The following RAD51B variants were observed in gnomAD, a reference collection of about 807,000 sequenced individuals.
RAD51B encodes RAD51 paralog B, also known as DNA repair protein RAD51 homolog 2.
RAD51B carries 38 observed loss-of-function variants against 42.2 expected under a neutral mutation model. The observed-to-expected ratio is 0.90, with a 90% CI of 0.70 to 1.18. The LOEUF is 1.18. RAD51B is among the 50% of genes most tolerant of loss of function. The pLI, the probability that RAD51B is intolerant of heterozygous loss-of-function variation, is 0.00. For missense variants in RAD51B, 373 were observed against 400.7 expected, an observed-to-expected ratio of 0.93 and a Z score of 0.59; for synonymous variants, 154 against 145.2, an observed-to-expected ratio of 1.06 and a Z score of -0.43.
chr14:68,189,833 T>G (rs1411273332), intron 7 of RAD51B, among the ~76,000 whole-genome samples: 1 of 152,052 alleles, frequency 6.6e-6, no homozygotes, highest in Non-Finnish European at 1.5e-5. Context: ...GCCCGACTAA[T>G]TTTTGTATTT....
At chr14:67,853,089 G>T (rs1372417058) in intron 4 of RAD51B, among the ~76,000 whole-genome samples, 1 of 152,174 alleles carries the variant, frequency 6.6e-6, no homozygotes, top group Non-Finnish European at 1.5e-5. Flanking sequence ...AAGGTGGAGG[G>T]GCCATGATTA....
At chr14:68,152,068 T>C (rs573529362) in intron 7 of RAD51B, among the ~76,000 whole-genome samples, 1 of 152,138 alleles carries the variant, frequency 6.6e-6, no homozygotes, top group South Asian at 2.1e-4. Context: ...GGTTTCGAAC[T>C]CCAGACCTCA....
intron 7 of RAD51B, among the ~76,000 whole-genome samples, chr14:68,265,675 C>A (rs1453632492): frequency 2.0e-5 from 3 of 152,146 alleles, no homozygotes; most frequent in Non-Finnish European, 4.4e-5. Flanking sequence ...TCACTTGAAC[C>A]CAGGAGGCGG....
downstream of RAD51B, among the ~76,000 whole-genome samples, chr14:68,616,332 A>T (rs908743471): frequency 6.6e-6 from 1 of 152,114 alleles, no homozygotes; most frequent in Non-Finnish European, 1.5e-5. Context: ...GCTTTCATTT[A>T]TCTCAAAAAG....
chr14:68,001,074 A>G (rs536168500), intron 7 of RAD51B, among the ~76,000 whole-genome samples: 1 of 152,258 alleles, frequency 6.6e-6, no homozygotes, highest in South Asian at 2.1e-4. Context: ...GGTTAGATTT[A>G]TTCATGGGTT....
chr14:68,445,544 T>G (rs2085402546), intron 9 of RAD51B, among the ~76,000 whole-genome samples: 1 of 152,176 alleles, frequency 6.6e-6, no homozygotes, highest in Non-Finnish European at 1.5e-5. Context: ...CCAAAGAGAT[T>G]AATTGTTAGT....
At chr14:68,076,272 AGGAGC>A (rs10580929) in intron 7 of RAD51B, among the ~76,000 whole-genome samples, 9,202 of 152,256 alleles carry the variant, frequency 0.06, 656 homozygotes, top group African/African-American at 0.17. Flanking sequence ...TCACAGATGG[AGGAGC>A]TATAAGTAGA....
At chr14:68,240,299 C>T (rs1194786827) in intron 7 of RAD51B, among the ~76,000 whole-genome samples, 2 of 152,200 alleles carry the variant, frequency 1.3e-5, no homozygotes, top group African/African-American at 4.8e-5. Flanking sequence ...TTAACAACCT[C>T]AACTCCACTT....
At chr14:68,514,867 T>C (rs1886021141) in intron 10 of RAD51B, among the ~76,000 whole-genome samples, 1 of 152,182 alleles carries the variant, frequency 6.6e-6, no homozygotes. Context: ...TTCTTTCATT[T>C]CCGATAAGAA....
intron 7 of RAD51B, among the ~76,000 whole-genome samples, chr14:68,135,095 G>C (rs2077980757): frequency 6.6e-6 from 1 of 152,122 alleles, no homozygotes; most frequent in Non-Finnish European, 1.5e-5. Flanking sequence ...TAAATTTTAA[G>C]ATGAGTAAAA....
intron 10 of RAD51B, among the ~76,000 whole-genome samples, chr14:68,622,233 G>A (rs558509311): frequency 1.4e-4 from 21 of 152,278 alleles, no homozygotes; most frequent in South Asian, 8.3e-4. Flanking sequence ...CTTCACAGAC[G>A]CCAGATGCTC....
In RAD51B at chr14:68,648,070, T is replaced by C. The variant is rs1441859178; in HGVS notation, c.1037-2711T>C. Among the ~76,000 whole-genome samples the C allele has an allele frequency of 3.0e-4, 37 of 121,740 alleles. 1 individual carries two copies. The highest frequency in any genetic ancestry group is 7.7e-4 in the South Asian group (3 of 3,908). 79.9% of individuals were successfully genotyped at this position (121,740 alleles called of 152,430 possible). A position where few individuals can be genotyped will look rare whatever the true frequency, so the allele number is the denominator to read the frequency against. On this transcript the variant is annotated intron_variant, in intron 10 of 11. Coordinates refer to the RAD51B transcript ENST00000488612. ...ATATAGATGTGTGTGTGTATATATA[T>C]ATACACGTATATATACGTGTGTGTA...
chr14:68,536,178 C>T (rs999603261), intron 10 of RAD51B, among the ~76,000 whole-genome samples: 1 of 152,142 alleles, frequency 6.6e-6, no homozygotes, highest in African/African-American at 2.4e-5. Flanking sequence ...CAAAATTCAC[C>T]TTCCATTGAA....
intron 7 of RAD51B, among the ~76,000 whole-genome samples, chr14:68,012,860 A>G (rs1301962814): frequency 6.6e-6 from 1 of 152,060 alleles, no homozygotes; most frequent in Non-Finnish European, 1.5e-5. Flanking sequence ...TCTCTGCTCT[A>G]TTTGCATTAT....
intron 7 of RAD51B, among the ~76,000 whole-genome samples, chr14:68,030,158 A>C (rs1439474878): frequency 2.0e-5 from 3 of 152,192 alleles, no homozygotes; most frequent in African/African-American, 7.2e-5. Flanking sequence ...TTTTGGAATG[A>C]CAAATGAGCA....
intron 7 of RAD51B, among the ~76,000 whole-genome samples, chr14:68,003,162 A>G (rs1405771886): frequency 6.6e-6 from 1 of 152,214 alleles, no homozygotes; most frequent in Non-Finnish European, 1.5e-5. Flanking sequence ...ATCCATGAGC[A>G]TGGGATATGT....
intron 8 of RAD51B, among the ~76,000 whole-genome samples, chr14:68,400,626 T>C (rs1456611338): frequency 1.3e-5 from 2 of 152,190 alleles, no homozygotes; most frequent in East Asian, 1.9e-4. Context: ...AAAGGTGTGG[T>C]CTGAGGATTT....
intron 7 of RAD51B, among the ~76,000 whole-genome samples, chr14:68,171,832 A>G (rs892354189): frequency 6.6e-6 from 1 of 151,746 alleles, no homozygotes; most frequent in Non-Finnish European, 1.5e-5. Context: ...TCAGCCTCCC[A>G]AGTAACTGGG....
intron 10 of RAD51B, among the ~76,000 whole-genome samples, chr14:68,641,816 T>A (rs1367759659): frequency 6.6e-6 from 1 of 151,898 alleles, no homozygotes; most frequent in Non-Finnish European, 1.5e-5. Context: ...CTGCATTGGC[T>A]TCCTGAATTG....
Sources: allele counts gnomAD v4.1 joint callset (sites outside exome capture counted in the v4.1 genomes callset), GRCh38; gene constraint gnomAD v4.1.1; transcripts MANE v1.5; gene names NCBI Gene and HGNC (gene_info 2026-07-23, HGNC 2026-07-21).